CHD9: variants seen among roughly 807,000 people sequenced by gnomAD.
CHD9 encodes the protein chromodomain helicase DNA binding protein 9.
A neutral mutation model predicts 316.1 loss-of-function variants in CHD9; 77 were observed. The ratio of observed to expected loss-of-function variants is 0.24; its 90% CI spans 0.20 to 0.29. The LOEUF (loss-of-function observed/expected upper bound fraction) is 0.29. CHD9 is among the 10% of genes least tolerant of loss of function. The pLI is 1.00. For synonymous variants in CHD9, 1,129 were observed against 1,158.3 expected, an observed-to-expected ratio of 0.97 and a Z score of 0.51; for missense variants, 2,763 against 3,438.1, an observed-to-expected ratio of 0.80 and a Z score of 4.91.
chr16:53,253,639 T>C (rs1245930105), intron 17 of CHD9, among the ~76,000 whole-genome samples: 1 of 152,172 alleles, frequency 6.6e-6, no homozygotes, highest in African/African-American at 2.4e-5. Context: ...GTTGATAATG[T>C]AATTGAAAAA....
intron 29 of CHD9, 36 bp from the exon 30 acceptor site, chr16:53,296,919 CT>C (rs2054863140): frequency 7.5e-7 from 1 of 1,333,858 alleles, no homozygotes; most frequent in Non-Finnish European, 1.1e-6. Context: ...ATTTTAGTGA[CT>C]AGTGTGGTTT....
chr16:53,326,475 A>G lies in CHD9; in HGVS notation c.*1580A>G, dbSNP rs1314128440. 2.0e-5 allele frequency: 3 copies of G among 152,460 alleles called. No homozygotes were observed. In the South Asian group the frequency reaches 6.2e-4, roughly 32 times the overall value. 9.4% of individuals were successfully genotyped at this position (152,460 alleles called of 1,614,324 possible). A position where few individuals can be genotyped will look rare whatever the true frequency, so the allele number is the denominator to read the frequency against. ...TTTCCAAGACCTTTACCAGTAAATT[A>G]TGTTTCTGTATGTAAAATAACCCCT... is the stretch of plus-strand genomic sequence containing the variant. On this transcript the variant is annotated 3_prime_UTR_variant, in exon 39 of 39. Transcript: ENST00000447540.
chr16:53,237,018 C>T, intron 11 of CHD9, among the ~76,000 whole-genome samples: 1 of 152,096 alleles, frequency 6.6e-6, no homozygotes, highest in Middle Eastern at 3.4e-3. Flanking sequence ...GAACTCTGGG[C>T]CCATATTTTT....
At chr16:53,262,166 A>G (rs1360281007) in intron 19 of CHD9, among the ~76,000 whole-genome samples, 2 of 152,104 alleles carry the variant, frequency 1.3e-5, no homozygotes, top group Non-Finnish European at 2.9e-5. Context: ...ATAAAAATTC[A>G]CATATATTTT....
intron 1 of CHD9, among the ~76,000 whole-genome samples, chr16:53,110,624 G>C (rs532933121): frequency 6.6e-6 from 1 of 152,066 alleles, no homozygotes; most frequent in African/African-American, 2.4e-5. Context: ...TTAGCCAGGC[G>C]TGCTGGTGTG....
In CHD9 at chr16:53,084,892, C is replaced by T. The variant is rs1352265485; in HGVS notation, c.-165+29815C>T. On this transcript the variant is annotated intron_variant, in intron 1 of 38. Coordinates refer to ENST00000447540, the MANE Select transcript of CHD9 (RefSeq NM_001308319.2). ...CTGACCTCCTGGCTTCGTCTGTCCA[C>T]ACCCTCTACCATACTGCAGGCATAC... Among the ~76,000 whole-genome samples the T allele has an allele frequency of 3.3e-5, 5 of 152,344 alleles. No individual in the cohort carries two copies. The East Asian group carries it at 7.7e-4, about 23-fold the overall frequency.
intron 1 of CHD9, among the ~76,000 whole-genome samples, chr16:53,069,390 T>G (rs2033810054): frequency 6.6e-6 from 1 of 152,224 alleles, no homozygotes; most frequent in South Asian, 2.1e-4. Context: ...CTTTTTCATC[T>G]TCCCAAGCTG....
At chr16:53,125,409 C>T (rs932246610) in intron 1 of CHD9, among the ~76,000 whole-genome samples, 1 of 151,528 alleles carries the variant, frequency 6.6e-6, no homozygotes, top group Non-Finnish European at 1.5e-5. Context: ...TTTTTAGTAG[C>T]AATGGGGTTG....
intron 1 of CHD9, among the ~76,000 whole-genome samples, chr16:53,142,211 G>T (rs1336375005): frequency 6.6e-6 from 1 of 152,094 alleles, no homozygotes; most frequent in Non-Finnish European, 1.5e-5. Flanking sequence ...TTTATAGGTC[G>T]ATGAGAGGGA....
chr16:53,157,398 G>C lies in CHD9; in HGVS notation c.1309G>C (p.Asp437His). The change falls in exon 2 of 39, where the codon GAT becomes CAT. Residue 437 changes from aspartate (D) to histidine (H), a missense_variant. Coordinates refer to ENST00000447540, the MANE Select transcript of CHD9 (RefSeq NM_001308319.2). The part of the protein sequence containing the change: ...NSSHILDHDL[D>H]RQFTSHLVTR... ...AAGTCACATTTTAGATCATGACCTT[G>C]ATCGGCAGTTTACTTCGCATCTGGT... The C allele has an allele frequency of 6.2e-7, 1 of 1,613,956 alleles. No homozygotes were observed. The highest frequency in any genetic ancestry group is 2.2e-5 in the East Asian group (1 of 44,880).
At chr16:53,076,021 A>G (rs899160659) in intron 1 of CHD9, among the ~76,000 whole-genome samples, 1 of 152,142 alleles carries the variant, frequency 6.6e-6, no homozygotes, top group Non-Finnish European at 1.5e-5. Context: ...AGCGATGTCA[A>G]GCATCTTTTC....
At chr16:53,315,391 A>G (rs1008229728) in intron 36 of CHD9, among the ~76,000 whole-genome samples, 7 of 152,236 alleles carry the variant, frequency 4.6e-5, no homozygotes, top group Admixed American at 1.3e-4. Flanking sequence ...AAACTTAACT[A>G]TGTGCCTGCA....
chr16:53,252,973 T>C (rs2050252164), intron 17 of CHD9, among the ~76,000 whole-genome samples: 2 of 152,146 alleles, frequency 1.3e-5, no homozygotes, highest in Admixed American at 6.5e-5. Context: ...GTACAGCCAC[T>C]ATGGAAAACA....
At chr16:53,250,937 A>T (rs1251282626) in intron 17 of CHD9, among the ~76,000 whole-genome samples, 2 of 152,330 alleles carry the variant, frequency 1.3e-5, no homozygotes, top group East Asian at 3.9e-4. Flanking sequence ...TTATATTTTT[A>T]AACAAGCATA....
At chr16:53,056,246 C>G (rs895608055) in intron 1 of CHD9, among the ~76,000 whole-genome samples, 7 of 152,338 alleles carry the variant, frequency 4.6e-5, no homozygotes, top group East Asian at 3.9e-4. Context: ...GATTCCCCCC[C>G]ATAGGCAGCC....
In CHD9 at chr16:53,144,417, C is replaced by G. The variant is rs979907579; in HGVS notation, c.-164-11509C>G. Among the ~76,000 whole-genome samples the G allele has an allele frequency of 9.9e-5, 15 of 152,070 alleles. 1 individual carries two copies. The highest frequency in any genetic ancestry group is 2.6e-4 in the Admixed American group (4 of 15,256). ...CTCTGTTAAGAAGAAAACAACAATT[C>G]TAATAAGTTTTAATTTGTGTTTTGG... On this transcript the variant is annotated intron_variant, in intron 1 of 38. Coordinates refer to ENST00000447540, the MANE Select transcript of CHD9 (RefSeq NM_001308319.2).
At chr16:53,132,809 T>A (rs892171470) in intron 1 of CHD9, among the ~76,000 whole-genome samples, 1 of 141,480 alleles carries the variant, frequency 7.1e-6, no homozygotes, top group Non-Finnish European at 1.5e-5. Flanking sequence ...TTTTTTTTTT[T>A]TTTTTTTTTT....
chr16:53,103,499 GT>G (rs1297782745), intron 1 of CHD9, among the ~76,000 whole-genome samples: 4 of 152,204 alleles, frequency 2.6e-5, no homozygotes, highest in African/African-American at 9.7e-5. Flanking sequence ...AGTTCTCTAT[GT>G]GCCCAGCACT....
intron 21 of CHD9, 66 bp from the exon 22 acceptor site, chr16:53,267,861 C>G: frequency 1.4e-6 from 2 of 1,393,070 alleles, no homozygotes; most frequent in South Asian, 1.2e-5. Context: ...TTCCTTTTAT[C>G]TATGAGTTAA....
Sources: allele counts gnomAD v4.1 joint callset (sites outside exome capture counted in the v4.1 genomes callset), GRCh38; gene constraint gnomAD v4.1.1; transcripts MANE v1.5; gene names NCBI Gene and HGNC (gene_info 2026-07-23, HGNC 2026-07-21).